The following SND1 variants were observed in gnomAD, a reference collection of about 807,000 sequenced individuals.
The protein encoded by SND1 is staphylococcal nuclease domain-containing protein 1.
A neutral mutation model predicts 121.7 loss-of-function variants in SND1; 38 were observed. That is an observed-to-expected ratio of 0.31 (90% CI 0.24 to 0.41). SND1 has a LOEUF of 0.41. SND1 is among the 10% of genes least tolerant of loss of function. The pLI is 1.00. For missense variants in SND1, 868 were observed against 1,184.6 expected (o/e 0.73, Z 3.92); for synonymous variants, 401 against 447.4 (o/e 0.90, Z 1.31).
intron 10 of SND1, among the ~76,000 whole-genome samples, chr7:127,730,015 GT>G (rs1239914323): frequency 6.6e-6 from 1 of 152,154 alleles, no homozygotes; most frequent in Non-Finnish European, 1.5e-5. Flanking sequence ...CCAGGCTGTA[GT>G]GCAATGTGGC....
At chr7:127,698,593 G>A (rs577385193) in intron 3 of SND1, among the ~76,000 whole-genome samples, 20 of 152,142 alleles carry the variant, frequency 1.3e-4, no homozygotes, top group South Asian at 2.1e-4. Flanking sequence ...TTTCTTGTCC[G>A]TCTCCCATGG....
intron 16 of SND1, among the ~76,000 whole-genome samples, chr7:127,992,038 T>C (rs1802535512): frequency 6.6e-6 from 1 of 152,186 alleles, no homozygotes; most frequent in South Asian, 2.1e-4. Flanking sequence ...TCTTATTTTG[T>C]AGAAGAAAGT....
At chr7:127,909,994 A>G (rs1800420612) in intron 14 of SND1, among the ~76,000 whole-genome samples, 1 of 152,206 alleles carries the variant, frequency 6.6e-6, no homozygotes, top group African/African-American at 2.4e-5. Context: ...CTCTGCCTTC[A>G]GTTTCTGGTT....
chr7:127,994,886 T>G (rs542111862), intron 16 of SND1, among the ~76,000 whole-genome samples: 25 of 152,034 alleles, frequency 1.6e-4, no homozygotes, highest in South Asian at 8.3e-4. Context: ...TAATTTTTTT[T>G]TTTGTTTTTG....
chr7:127,880,463 T>TGGATA (rs2116716275), intron 12 of SND1, among the ~76,000 whole-genome samples: 1 of 152,252 alleles, frequency 6.6e-6, no homozygotes, highest in Non-Finnish European at 1.5e-5. Context: ...TTATATTTCA[T>TGGATA]TTCTTTCCTT....
At chr7:127,903,876 A>G (rs913109497) in intron 13 of SND1, among the ~76,000 whole-genome samples, 1 of 152,212 alleles carries the variant, frequency 6.6e-6, no homozygotes, top group Non-Finnish European at 1.5e-5. Flanking sequence ...TTGAGTCTCC[A>G]TAGACAAGAT....
chr7:127,894,881 A>G (rs576352143), intron 13 of SND1, among the ~76,000 whole-genome samples: 3 of 151,780 alleles, frequency 2.0e-5, no homozygotes, highest in South Asian at 2.1e-4. Context: ...AACAAAAAAG[A>G]TAATAGACTC....
intron 14 of SND1, among the ~76,000 whole-genome samples, chr7:127,905,374 A>C (rs377438571): frequency 6.6e-6 from 1 of 152,154 alleles, no homozygotes; most frequent in Non-Finnish European, 1.5e-5. Context: ...CTGTGTCCAA[A>C]TGTTTCTTTA....
At chr7:127,743,171 G>A (rs980354358) in intron 10 of SND1, among the ~76,000 whole-genome samples, 9 of 152,196 alleles carry the variant, frequency 5.9e-5, no homozygotes, top group Admixed American at 5.2e-4. Flanking sequence ...GAAATTGATG[G>A]TGAGCCTGTT....
chr7:127,716,119 T>C (rs1186976285), intron 9 of SND1, among the ~76,000 whole-genome samples: 2 of 152,360 alleles, frequency 1.3e-5, no homozygotes, highest in East Asian at 3.9e-4. Context: ...TGTAGCTTTG[T>C]AGTAAGCTTT....
intron 14 of SND1, among the ~76,000 whole-genome samples, chr7:127,917,584 T>C (rs936091861): frequency 7.2e-5 from 11 of 152,184 alleles, no homozygotes; most frequent in African/African-American, 2.7e-4. Context: ...ATTTTTTTTG[T>C]AGAGAGAGAA....
chr7:128,067,995 G>T (rs1793345807), intron 16 of SND1, among the ~76,000 whole-genome samples: 1 of 152,062 alleles, frequency 6.6e-6, no homozygotes, highest in African/African-American at 2.4e-5. Flanking sequence ...GCAGCCTCCA[G>T]TGCACCTTCT....
intron 15 of SND1, among the ~76,000 whole-genome samples, chr7:127,988,366 C>T (rs765213229): frequency 4.6e-5 from 7 of 152,188 alleles, no homozygotes; most frequent in Admixed American, 1.3e-4. Flanking sequence ...CACCCTACTT[C>T]GGCTTCCTAC....
intron 16 of SND1, among the ~76,000 whole-genome samples, chr7:128,025,355 T>A (rs761587930): frequency 3.9e-5 from 6 of 152,140 alleles, no homozygotes; most frequent in Non-Finnish European, 5.9e-5. Flanking sequence ...CCACTAGCAG[T>A]GTGACCTTGG....
At position 128,075,593 on chromosome 7, in the gene SND1, T is replaced by C. The variant is rs550200451; in HGVS notation, c.1968+903T>C. ...GGCATCTCTTGTCCCCTTGGGACTGTCCTCCTGGGTCTCTCTCTATCTATT... is the reference window on the plus strand; with the variant it reads ...GGCATCTCTTGTCCCCTTGGGACTGCCCTCCTGGGTCTCTCTCTATCTATT... On this transcript the variant is annotated intron_variant, in intron 17 of 23. Transcript: ENST00000354725. Among the ~76,000 whole-genome samples the C allele has an allele frequency of 3.3e-5, 5 of 152,344 alleles. No individual in the cohort carries two copies. In the South Asian group the frequency reaches 1.0e-3, roughly 32 times the overall value.
intron 15 of SND1, among the ~76,000 whole-genome samples, chr7:127,932,382 C>T (rs1800971911): frequency 6.6e-6 from 1 of 152,196 alleles, no homozygotes; most frequent in South Asian, 2.1e-4. Flanking sequence ...ACTGAAATCT[C>T]ATGAAAAGAA....
intron 16 of SND1, among the ~76,000 whole-genome samples, chr7:128,051,093 G>A (rs1293291294): frequency 6.6e-6 from 1 of 152,308 alleles, no homozygotes; most frequent in South Asian, 2.1e-4. Flanking sequence ...CTCTGGTTCT[G>A]CCCTGTGTGC....
chr7:128,014,085 G>T (rs1803172910), intron 16 of SND1, among the ~76,000 whole-genome samples: 1 of 152,070 alleles, frequency 6.6e-6, no homozygotes, highest in African/African-American at 2.4e-5. Context: ...GTTTTTCCAG[G>T]GCAGTCAGTC....
At chr7:127,930,806 A>G (rs1800943489) in intron 15 of SND1, among the ~76,000 whole-genome samples, 1 of 152,170 alleles carries the variant, frequency 6.6e-6, no homozygotes, top group Admixed American at 6.5e-5. Context: ...AGGCACAGGC[A>G]TATCCAGGTT....
Sources: allele counts gnomAD v4.1 joint callset (sites outside exome capture counted in the v4.1 genomes callset), GRCh38; gene constraint gnomAD v4.1.1; transcripts MANE v1.5; gene names NCBI Gene and HGNC (gene_info 2026-07-23, HGNC 2026-07-21).